Variants in LGALS8 observed in about 807,000 individuals in gnomAD.
The protein encoded by LGALS8 is galectin-8.
A neutral mutation model predicts 35.9 loss-of-function variants in LGALS8; 30 were observed. The observed-to-expected ratio is 0.83, with a 90% confidence interval of 0.62 to 1.13. LGALS8 has a LOEUF of 1.13. LGALS8 is among the 50% of genes most tolerant of loss of function. The probability of loss-of-function intolerance (pLI) is 0.00; values close to 1 mark genes in which losing one functional copy is unlikely to be tolerated. For missense variants in LGALS8, 366 were observed against 388.7 expected (o/e 0.94, Z 0.49); for synonymous variants, 138 against 136.1 (o/e 1.01, Z -0.10).
At chr1:236,542,682 C>T in intron 6 of LGALS8, 79 bp from the exon 7 acceptor site, 4 of 1,501,310 alleles carry the variant, frequency 2.7e-6, no homozygotes, top group African/African-American at 1.4e-5. Context: ...AGGCTCAGCT[C>T]AGCACAACCA....
chr1:236,523,907 C>G, upstream of LGALS8: 1 of 355,074 alleles, frequency 2.8e-6, no homozygotes, highest in South Asian at 2.1e-5. Flanking sequence ...GGTGGGGAGA[C>G]CACAGCAGTG....
At chr1:236,544,675 T>TAACA in intron 8 of LGALS8, 75 bp from the exon 9 acceptor site, 1 of 1,173,850 alleles carries the variant, frequency 8.5e-7, no homozygotes, top group East Asian at 2.4e-5. Context: ...GTCTGGTCAC[T>TAACA]AACATTGCTG....
intron 2 of LGALS8, 109 bp from the exon 3 acceptor site, chr1:236,537,388 C>T: frequency 2.8e-6 from 2 of 711,610 alleles, no homozygotes; most frequent in Non-Finnish European, 5.0e-6. Flanking sequence ...GATTTATGTG[C>T]AGCCTTAAAA....
At position 236,543,742 on chromosome 1, in the gene LGALS8, T is replaced by C. The variant is rs1031054394; in HGVS notation, c.638+94T>C. On this transcript the variant is annotated intron_variant, in intron 8 of 9. Coordinates refer to ENST00000366584, the MANE Select transcript of LGALS8 (RefSeq NM_201544.4). Reference sequence around the variant, plus strand: ...CGGTCCTGTGAGCTGGAAGAAGGGCTAGCGTCAGAATCTTCATTTCCAAAG... The same window carrying C: ...CGGTCCTGTGAGCTGGAAGAAGGGCCAGCGTCAGAATCTTCATTTCCAAAG... 4 of 850,026 alleles carry C rather than the reference T, an allele frequency of 4.7e-6. No individual in the cohort carries two copies. The Admixed American group carries it at 7.7e-5, about 16-fold the overall frequency. The allele number at this position is 850,026 out of a possible 1,614,324, so 52.7% of individuals were successfully genotyped here.
upstream of LGALS8, chr1:236,518,224 A>G (rs1338583113): frequency 2.6e-5 from 4 of 152,198 alleles, no homozygotes; most frequent in East Asian, 7.7e-4. Context: ...ATAGTTCTAG[A>G]AGCTTGTTTC....
intron 6 of LGALS8, 74 bp from the exon 7 acceptor site, chr1:236,542,687 C>G (rs1662080793): frequency 6.5e-7 from 1 of 1,536,370 alleles, no homozygotes; most frequent in Non-Finnish European, 9.0e-7. Context: ...CAGCTCAGCA[C>G]AACCAAGACT....
chr1:236,524,691 A>C (rs989318500), intron 1 of LGALS8: 3 of 319,578 alleles, frequency 9.4e-6, no homozygotes, highest in African/African-American at 6.5e-5. Flanking sequence ...TGCGTGATTT[A>C]ATGCAAGCAG....
rs1298529074 is a variant in LGALS8 at position 236,549,744 on chromosome 1, T to C, written c.*1583T>C. The stretch of plus-strand genomic sequence containing the variant: ...AGTGCTTAACTGAGCTGTTGGAGAC[T>C]GTGAGGCATTTAGGAAAAAAATAGC... On this transcript the variant is annotated 3_prime_UTR_variant, in exon 10 of 10. Transcript: ENST00000366584. The C allele has an allele frequency of 6.6e-6, 1 of 152,220 alleles. No individual in the cohort carries two copies. Among genetic ancestry groups the C allele is most frequent in the Non-Finnish European group, 1.5e-5 (1 of 68,040 alleles). 9.4% of individuals were successfully genotyped at this position (152,220 alleles called of 1,614,324 possible).
chr1:236,543,034 G>A (rs756514614), intron 7 of LGALS8: 2 of 1,613,912 alleles, frequency 1.2e-6, no homozygotes, highest in African/African-American at 2.7e-5. Context: ...TGAACTATGT[G>A]TCAAAGGTTT....
chr1:236,526,169 AATAT>A lies in LGALS8; in HGVS notation c.45+55_45+58del. 8.0e-7 allele frequency: 1 copy of A among 1,257,450 alleles called. No homozygotes were observed. The highest frequency in any genetic ancestry group is 1.2e-6 in the Non-Finnish European group (1 of 862,294). The allele number at this position is 1,257,450 out of a possible 1,614,324, so 77.9% of individuals were successfully genotyped here. A position where few individuals can be genotyped will look rare whatever the true frequency, so the allele number is the denominator to read the frequency against. On this transcript the variant is annotated intron_variant, in intron 2 of 9. Coordinates refer to ENST00000366584, the MANE Select transcript of LGALS8 (RefSeq NM_201544.4). This position sits in a 1 kb window ranked among gnomAD's most constrained non-coding sequence, Gnocchi z 4.6. ...ACCTATGCCAGGACAGATCCAATAG[AATAT>A]TAATTATCCATTGGGAGACAGGGCA...
At chr1:236,533,489 C>G (rs543765484) in intron 2 of LGALS8, among the ~76,000 whole-genome samples, 16 of 152,210 alleles carry the variant, frequency 1.1e-4, no homozygotes, top group African/African-American at 3.1e-4. Flanking sequence ...CATGTGCCAC[C>G]ATGCCCGGCT....
chr1:236,519,201 C>G (rs1660485633), upstream of LGALS8, among the ~76,000 whole-genome samples: 2 of 145,916 alleles, frequency 1.4e-5, no homozygotes, highest in African/African-American at 5.2e-5. Flanking sequence ...CCAGCCTGGG[C>G]AACACAGTGG....
Position 236,552,252 on chromosome 1 carries a change from C to A in LGALS8, c.*4091C>A. 1 of 533,752 alleles carries A rather than the reference C, an allele frequency of 1.9e-6. No individual in the cohort carries two copies. Among genetic ancestry groups the A allele is most frequent in the Non-Finnish European group, 3.3e-6 (1 of 304,206 alleles). The allele number at this position is 533,752 out of a possible 1,614,324, so 33.1% of individuals were successfully genotyped here. A position where few individuals can be genotyped will look rare whatever the true frequency, so the allele number is the denominator to read the frequency against. On this transcript the variant is annotated 3_prime_UTR_variant, in exon 10 of 10. Coordinates refer to ENST00000366584, the MANE Select transcript of LGALS8 (RefSeq NM_201544.4). ...CACTTCATTATGTTCATTAAGCTTTCATCTTAGAATACCAGTTTCACCATT... is the reference window on the plus strand; with the variant it reads ...CACTTCATTATGTTCATTAAGCTTTAATCTTAGAATACCAGTTTCACCATT...
In LGALS8 at chr1:236,552,928, CATT is replaced by C. The variant is rs1280321948; in HGVS notation, c.*4768_*4770del. The stretch of plus-strand genomic sequence containing the variant: ...ATGTGGGGGTTCATCATAATAGTCT[CATT>C]GTTAGCATATCCTAATAAAGAATTT... On this transcript the variant is annotated 3_prime_UTR_variant, in exon 10 of 10. Transcript: ENST00000366584. 2.6e-5 allele frequency: 4 copies of C among 152,200 alleles called. No individual in the cohort carries two copies. Among genetic ancestry groups the C allele is most frequent in the African/African-American group, 7.2e-5 (3 of 41,452 alleles). The allele number at this position is 152,200 out of a possible 1,614,324, so 9.4% of individuals were successfully genotyped here.
chr1:236,528,510 C>A (rs74385547), intron 2 of LGALS8, among the ~76,000 whole-genome samples: 4,211 of 149,724 alleles, frequency 0.028, 116 homozygotes, highest in Admixed American at 0.088. Context: ...ATAAACACAC[C>A]GCCACTTTTT....
At position 236,539,149 on chromosome 1, in the gene LGALS8, C is replaced by T. The variant is rs1340690781; in HGVS notation, c.345+60C>T. On this transcript the variant is annotated intron_variant, in intron 4 of 9. Transcript: ENST00000366584. ...TAGTGAGCAGGAGTGCACAGGGGTG[C>T]TTTTCACATTTGTGAGCCCAGCCTT... 6 of 1,320,722 alleles carry T rather than the reference C, an allele frequency of 4.5e-6. No homozygotes were observed. The East Asian group carries it at 1.2e-4, about 25-fold the overall frequency. 81.8% of individuals were successfully genotyped at this position (1,320,722 alleles called of 1,614,324 possible). A position where few individuals can be genotyped will look rare whatever the true frequency, so the allele number is the denominator to read the frequency against.
At chr1:236,537,806 T>C (rs1333768765) in intron 3 of LGALS8, among the ~76,000 whole-genome samples, 2 of 151,770 alleles carry the variant, frequency 1.3e-5, no homozygotes, top group Admixed American at 6.6e-5. Context: ...TATAAAAAAT[T>C]AGAACTATCA....
chr1:236,535,051 A>T (rs2040097), intron 2 of LGALS8, among the ~76,000 whole-genome samples: 78,628 of 127,064 alleles, frequency 0.62, 24,830 homozygotes, highest in Non-Finnish European at 0.69. Context: ...ACAGAGTGAG[A>T]CTCTGTCTCA....
chr1:236,533,578 C>T (rs925092729), intron 2 of LGALS8, among the ~76,000 whole-genome samples: 2 of 152,022 alleles, frequency 1.3e-5, no homozygotes, highest in African/African-American at 2.4e-5. Context: ...AAGTGATCTG[C>T]CCACCTTCGC....
Sources: allele counts gnomAD v4.1 joint callset (sites outside exome capture counted in the v4.1 genomes callset), GRCh38; gene constraint gnomAD v4.1.1; non-coding constraint Gnocchi (gnomAD v3.1); transcripts MANE v1.5; gene names NCBI Gene and HGNC (gene_info 2026-07-23, HGNC 2026-07-21).